Variants in HEATR1 observed in about 807,000 individuals in gnomAD.
The protein encoded by HEATR1 is HEAT repeat-containing protein 1.
In HEATR1, 77 loss-of-function variants were observed where a neutral mutation model predicts 248.2. That is an observed-to-expected ratio of 0.31 (90% confidence interval 0.26 to 0.37). HEATR1 has a LOEUF of 0.37. Among genes scored for constraint, HEATR1 ranks in the 10% least tolerant of loss-of-function variants. The pLI, the probability that HEATR1 is intolerant of heterozygous loss-of-function variation, is 1.00. For synonymous variants in HEATR1, 897 were observed against 923.1 expected (o/e 0.97, Z 0.51); for missense variants, 2,420 against 2,504.9 (o/e 0.97, Z 0.72).
chr1:236,550,726 G>T lies in HEATR1; in HGVS notation c.*176C>A, dbSNP rs918155035. 5.4e-6 allele frequency: 3 copies of T among 551,626 alleles called. No homozygotes were observed. In the Admixed American group the frequency reaches 1.1e-4, roughly 20 times the overall value. The allele number at this position is 551,626 out of a possible 1,614,324, so 34.2% of individuals were successfully genotyped here. ...CAGCTCTATACGATAGGCAGGAGAG[G>T]CTTATGTGGCAGCACAAGCCAGGTG... On this transcript the variant is annotated 3_prime_UTR_variant, in exon 45 of 45. Transcript: ENST00000366582.
intron 20 of HEATR1, 59 bp downstream of exon 20, chr1:236,581,163 A>G (rs1663727492): frequency 1.4e-6 from 2 of 1,401,670 alleles, no homozygotes; most frequent in African/African-American, 2.9e-5. Context: ...TACATAAACC[A>G]TATAGAGAAA....
intron 28 of HEATR1, among the ~76,000 whole-genome samples, chr1:236,570,010 C>T (rs185649476): frequency 5.9e-5 from 9 of 152,224 alleles, no homozygotes; most frequent in Middle Eastern, 6.8e-3. Flanking sequence ...GCTAAGCAGC[C>T]GGGCACGGTG....
rs376042895 is a variant in HEATR1 at position 236,603,394 on chromosome 1, C to T, written c.143-18G>A. ...AGTACATCCTAAATTTCAAAAAAGG[C>T]CAGTTTATTTAACAATTCTTCGTAA... On this transcript the variant is annotated intron_variant, in intron 2 of 44. Transcript: ENST00000366582. The T allele has an allele frequency of 5.6e-5, 89 of 1,601,176 alleles. 1 individual carries two copies. The highest frequency in any genetic ancestry group is 6.8e-5 in the Non-Finnish European group (80 of 1,170,452).
At chr1:236,573,637 C>G (rs1180929634) in intron 24 of HEATR1, among the ~76,000 whole-genome samples, 2 of 151,778 alleles carry the variant, frequency 1.3e-5, no homozygotes, top group Non-Finnish European at 2.9e-5. Context: ...ATGAGATTTA[C>G]TTTAAAATAT....
chr1:236,599,690 A>G (rs1664266499), intron 3 of HEATR1, 66 bp from the exon 4 acceptor site: 1 of 1,394,616 alleles, frequency 7.2e-7, no homozygotes, highest in South Asian at 1.4e-5. Context: ...ATTTCCTCAC[A>G]TGCCCAAACT....
intron 22 of HEATR1, among the ~76,000 whole-genome samples, chr1:236,575,459 G>C (rs1342490861): frequency 6.6e-6 from 1 of 152,162 alleles, no homozygotes; most frequent in Admixed American, 6.5e-5. Context: ...ATGAGTAGCT[G>C]CAACAGAGAC....
intron 19 of HEATR1, among the ~76,000 whole-genome samples, chr1:236,581,877 T>C (rs566674448): frequency 6.6e-6 from 1 of 152,324 alleles, no homozygotes; most frequent in South Asian, 2.1e-4. Context: ...TTTTAAATGG[T>C]ATTAACCAAT....
At chr1:236,591,945 A>G in intron 11 of HEATR1, 48 bp downstream of exon 11, 1 of 1,204,272 alleles carries the variant, frequency 8.3e-7, no homozygotes, top group Non-Finnish European at 1.2e-6. Flanking sequence ...TCACATACCC[A>G]TACAAATGTA....
intron 20 of HEATR1, 95 bp from the exon 21 acceptor site, chr1:236,577,044 CCCTTCGAATTCAAACT>C: frequency 1.1e-6 from 1 of 939,398 alleles, no homozygotes; most frequent in East Asian, 2.7e-5. Context: ...TAAAAAGTTT[CCCTTCGAATTCAAACT>C]CCTTCTCTGT....
chr1:236,581,183 G>GT, intron 20 of HEATR1, 39 bp downstream of exon 20: 3 of 1,484,892 alleles, frequency 2.0e-6, no homozygotes, highest in Non-Finnish European at 2.8e-6. Flanking sequence ...AGCATGAACA[G>GT]TTGGTCATGA....
intron 11 of HEATR1, among the ~76,000 whole-genome samples, chr1:236,591,585 G>C (rs1236309872): frequency 6.6e-6 from 1 of 152,036 alleles, no homozygotes; most frequent in Non-Finnish European, 1.5e-5. Context: ...GTTTTAATGT[G>C]ATCATGAAAT....
chr1:236,591,088 CAAAA>C (rs1664023263), intron 11 of HEATR1, 134 bp from the exon 12 acceptor site: 3 of 408,136 alleles, frequency 7.4e-6, no homozygotes, highest in African/African-American at 4.1e-5. Flanking sequence ...AGAAAACAAA[CAAAA>C]AAATGCAAAA....
chr1:236,566,854 T>C lies in HEATR1; in HGVS notation c.4100A>G (p.Glu1367Gly). Residue 1367 changes from glutamate (E) to glycine (G), a missense_variant, in exon 30 of 45, where the codon GAA becomes GGA. Transcript: ENST00000366582. Reference sequence around the variant, plus strand: ...AATCTCTTCAACGTTTCTTGAAACTTCTATAGAATCTCCACTATCAGACTG... The same window carrying C: ...AATCTCTTCAACGTTTCTTGAAACTCCTATAGAATCTCCACTATCAGACTG... ...LIQSDSGDSIEVSRNVEEIVV... is the reference protein window; with the variant it reads ...LIQSDSGDSIGVSRNVEEIVV... 2.5e-6 allele frequency: 4 copies of C among 1,613,790 alleles called. No individual in the cohort carries two copies. Among genetic ancestry groups the C allele is most frequent in the Non-Finnish European group, 3.4e-6 (4 of 1,179,724 alleles).
intron 13 of HEATR1, among the ~76,000 whole-genome samples, 175 bp downstream of exon 13, chr1:236,587,773 A>T (rs1409576551): frequency 6.6e-6 from 1 of 152,126 alleles, no homozygotes; most frequent in African/African-American, 2.4e-5. Flanking sequence ...AATATATCAA[A>T]TTGTGAATTT....
At chr1:236,569,248 T>C (rs1663357748) in intron 28 of HEATR1, 124 bp from the exon 29 acceptor site, 1 of 695,518 alleles carries the variant, frequency 1.4e-6, no homozygotes, top group African/African-American at 1.9e-5. Context: ...TGATCACAGT[T>C]CACTGAAACC....
At position 236,604,444 on chromosome 1, in the gene HEATR1, A is replaced by G. The variant is rs926709232; in HGVS notation, c.-55T>C. On this transcript the variant is annotated 5_prime_UTR_variant, in exon 1 of 45. Coordinates refer to ENST00000366582, the MANE Select transcript of HEATR1 (RefSeq NM_018072.6). ...TACCTGGAACTGGGAATTTGGGTAT[A>G]TCTTGGAAGGCAACAACTCTTCACA... The G allele has an allele frequency of 5.1e-6, 1 of 197,826 alleles. No individual in the cohort carries two copies. Among genetic ancestry groups the G allele is most frequent in the Non-Finnish European group, 1.0e-5 (1 of 99,036 alleles). 12.3% of individuals were successfully genotyped at this position (197,826 alleles called of 1,614,324 possible).
chr1:236,566,537 C>A, intron 30 of HEATR1, 109 bp downstream of exon 30: 1 of 824,600 alleles, frequency 1.2e-6, no homozygotes, highest in South Asian at 1.8e-5. Flanking sequence ...CAAAAAGGTT[C>A]TAAATAACAC....
chr1:236,572,504 T>C lies in HEATR1; in HGVS notation c.3614A>G (p.Gln1205Arg). 1 of 1,614,100 alleles carries C rather than the reference T, an allele frequency of 6.2e-7. No individual in the cohort carries two copies. Among genetic ancestry groups the C allele is most frequent in the Non-Finnish European group, 8.5e-7 (1 of 1,179,938 alleles). The change falls in exon 26 of 45, where the codon CAA becomes CGA. Residue 1205 changes from glutamine (Q) to arginine (R), a missense_variant. Coordinates refer to ENST00000366582, the MANE Select transcript of HEATR1 (RefSeq NM_018072.6). Reference sequence around the variant, plus strand: ...TAATTCCAGGATGAGAGTTACTCTTTGCCAGTAAGAACCTCCAACTTCCTG... The same window carrying C: ...TAATTCCAGGATGAGAGTTACTCTTCGCCAGTAAGAACCTCCAACTTCCTG... ...SVQEVGGSYWQRVTLILELLQ... is the reference protein window; with the variant it reads ...SVQEVGGSYWRRVTLILELLQ...
chr1:236,591,874 G>A (rs749630416), intron 11 of HEATR1, 119 bp downstream of exon 11: 37 of 602,688 alleles, frequency 6.1e-5, no homozygotes, highest in Non-Finnish European at 9.1e-5. Flanking sequence ...ACTGTAGAAG[G>A]TTATCTCTGT....
Sources: gnomAD v4.1 joint callset for allele counts (sites outside exome capture counted in the v4.1 genomes callset) on GRCh38, gnomAD v4.1.1 for gene constraint, MANE v1.5 for transcripts, NCBI Gene and HGNC (gene_info 2026-07-23, HGNC 2026-07-21) for gene names.